SLC25A13: variants seen among roughly 807,000 people sequenced by gnomAD.
SLC25A13 encodes the protein electrogenic aspartate/glutamate antiporter SLC25A13, mitochondrial.
SLC25A13 carries 70 observed loss-of-function variants against 85.5 expected under a neutral mutation model. That is an observed-to-expected ratio of 0.82 (90% CI 0.68 to 1.00). The LOEUF (loss-of-function observed/expected upper bound fraction) is 1.00, where lower values mean the gene tolerates loss of function less well. SLC25A13 is among the 50% of genes least tolerant of loss of function. SLC25A13 has a pLI of 0.00. For synonymous variants in SLC25A13, 259 were observed against 288.7 expected (o/e 0.90, Z 1.04); for missense variants, 765 against 819.8 (o/e 0.93, Z 0.82).
At chr7:96,272,034 G>A (rs1052627621) in intron 3 of SLC25A13, among the ~76,000 whole-genome samples, 14 of 151,902 alleles carry the variant, frequency 9.2e-5, no homozygotes, top group African/African-American at 1.7e-4. Flanking sequence ...TACAGGTTAC[G>A]GCCACCATGC....
chr7:96,237,827 T>C (rs1417540915), intron 3 of SLC25A13, among the ~76,000 whole-genome samples: 2 of 151,980 alleles, frequency 1.3e-5, no homozygotes, highest in Non-Finnish European at 2.9e-5. Flanking sequence ...GGGATGATGA[T>C]ACCACCACCA....
intron 5 of SLC25A13, among the ~76,000 whole-genome samples, chr7:96,207,362 T>G (rs1795500608): frequency 6.6e-6 from 1 of 152,118 alleles, no homozygotes; most frequent in Non-Finnish European, 1.5e-5. Context: ...CTTTACCAAG[T>G]GAGCACCACA....
At chr7:96,141,723 A>G (rs1433123953) in intron 14 of SLC25A13, among the ~76,000 whole-genome samples, 1 of 152,234 alleles carries the variant, frequency 6.6e-6, no homozygotes, top group African/African-American at 2.4e-5. Context: ...TCCGGCTGTG[A>G]GCACGTAAAA....
At chr7:96,132,414 A>G (rs552699589) in intron 14 of SLC25A13, among the ~76,000 whole-genome samples, 1 of 152,312 alleles carries the variant, frequency 6.6e-6, no homozygotes, top group Non-Finnish European at 1.5e-5. Context: ...GATCCTTCTA[A>G]TTTTATTATA....
At chr7:96,252,824 T>C (rs1797484944) in intron 3 of SLC25A13, among the ~76,000 whole-genome samples, 1 of 152,244 alleles carries the variant, frequency 6.6e-6, no homozygotes, top group Non-Finnish European at 1.5e-5. Context: ...CTGGGCACGG[T>C]GGGTCACACC....
At chr7:96,321,313 G>T (rs967790631) in intron 1 of SLC25A13, among the ~76,000 whole-genome samples, 2 of 152,194 alleles carry the variant, frequency 1.3e-5, no homozygotes, top group Non-Finnish European at 2.9e-5. Context: ...CTCCGAGGCG[G>T]GTATCTAAGT....
At chr7:96,251,669 T>C (rs1170966021) in intron 3 of SLC25A13, among the ~76,000 whole-genome samples, 2 of 152,232 alleles carry the variant, frequency 1.3e-5, no homozygotes, top group Non-Finnish European at 2.9e-5. Context: ...CATCTGAATT[T>C]GCATTGATAT....
chr7:96,197,779 C>T (rs764328433), intron 5 of SLC25A13, among the ~76,000 whole-genome samples: 14 of 151,938 alleles, frequency 9.2e-5, no homozygotes, highest in Admixed American at 2.0e-4. Flanking sequence ...CAGAAGTAAA[C>T]GAGTCATCTG....
At chr7:96,193,236 C>T (rs1421768233) in intron 5 of SLC25A13, 53 bp from the exon 6 acceptor site, 2 of 1,586,364 alleles carry the variant, frequency 1.3e-6, no homozygotes, top group Admixed American at 1.7e-5. Context: ...TTAATAATTA[C>T]TACAAATGAC....
chr7:96,139,521 AC>A (rs1488052727), intron 14 of SLC25A13, among the ~76,000 whole-genome samples: 1 of 152,190 alleles, frequency 6.6e-6, no homozygotes, highest in Non-Finnish European at 1.5e-5. Context: ...TATACTTGAT[AC>A]CCTCTCCTTA....
At chr7:96,317,934 C>T (rs1307819187) in intron 1 of SLC25A13, among the ~76,000 whole-genome samples, 3 of 151,486 alleles carry the variant, frequency 2.0e-5, no homozygotes, top group African/African-American at 4.8e-5. Flanking sequence ...CCCAAGTAGC[C>T]GGGACCACAG....
At chr7:96,224,737 C>T (rs139087330) in intron 4 of SLC25A13, among the ~76,000 whole-genome samples, 1 of 152,298 alleles carries the variant, frequency 6.6e-6, no homozygotes, top group Non-Finnish European at 1.5e-5. Flanking sequence ...ATGCATTTGC[C>T]TATTGTTCTT....
rs1791491213 is a variant in SLC25A13 at position 96,121,275 on chromosome 7, T to G, written c.1944A>C (p.Ala648=). The part of the protein sequence containing the change: ...GGYKLAVATF[A]GIENKFGLYL... ...AAAGTCCAAATTTGTTTTCAATCCC[T>G]GCAAATGTAGCAACTGCCAGTTTGT... is the stretch of plus-strand genomic sequence containing the variant. The change falls in exon 18 of 18, where the codon GCA becomes GCC. Residue 648 remains alanine (A), a synonymous_variant. Transcript: ENST00000265631. The G allele has an allele frequency of 6.2e-7, 1 of 1,614,176 alleles. No individual in the cohort carries two copies. Among genetic ancestry groups the G allele is most frequent in the Non-Finnish European group, 8.5e-7 (1 of 1,180,038 alleles).
At chr7:96,256,302 G>A (rs1236786430) in intron 3 of SLC25A13, among the ~76,000 whole-genome samples, 8 of 152,064 alleles carry the variant, frequency 5.3e-5, no homozygotes, top group South Asian at 2.1e-4. Flanking sequence ...AAGACCCGTC[G>A]GTGTGCTATA....
chr7:96,191,165 A>T lies in SLC25A13; in HGVS notation c.698T>A (p.Ile233Asn). The change falls in exon 7 of 18, where the codon ATT (isoleucine) becomes AAT (asparagine). Residue 233 changes from isoleucine to asparagine, a missense_variant. Ile to Asn is a moderately radical substitution (Grantham distance 149). Coordinates refer to ENST00000265631, the MANE Select transcript of SLC25A13 (RefSeq NM_014251.3). ...AGCCAGAGTGCTATAGATCTTTCTAATGAGTTCCATGTTGTTAAGGAGCGA... is the reference window on the plus strand; with the variant it reads ...AGCCAGAGTGCTATAGATCTTTCTATTGAGTTCCATGTTGTTAAGGAGCGA... ...FNSLLNNMEL[I>N]RKIYSTLAGT... 6.2e-7 allele frequency: 1 copy of T among 1,614,112 alleles called. No individual in the cohort carries two copies. The highest frequency in any genetic ancestry group is 1.1e-5 in the South Asian group (1 of 91,074).
chr7:96,138,460 A>G (rs1792383495), intron 14 of SLC25A13, among the ~76,000 whole-genome samples: 1 of 150,996 alleles, frequency 6.6e-6, no homozygotes, highest in African/African-American at 2.4e-5. Context: ...CAGTGGTGCA[A>G]TCATGGCTCA....
intron 9 of SLC25A13, among the ~76,000 whole-genome samples, chr7:96,188,008 A>C (rs961410444): frequency 6.6e-6 from 1 of 152,296 alleles, no homozygotes; most frequent in Middle Eastern, 3.4e-3. Flanking sequence ...ATAAACTCTC[A>C]AAAGCTGCAA....
At chr7:96,262,228 T>G (rs1772799538) in intron 3 of SLC25A13, among the ~76,000 whole-genome samples, 1 of 152,156 alleles carries the variant, frequency 6.6e-6, no homozygotes, top group Non-Finnish European at 1.5e-5. Context: ...CCTTTAAAAT[T>G]TTAGATTTAT....
At chr7:96,239,039 A>T (rs1443468155) in intron 3 of SLC25A13, among the ~76,000 whole-genome samples, 56 of 1,554 alleles carry the variant, frequency 0.036, 1 homozygote, top group East Asian at 0.093. Context: ...TATATATTTT[A>T]TATATATATA....
Sources: allele counts gnomAD v4.1 joint callset (sites outside exome capture counted in the v4.1 genomes callset), GRCh38; gene constraint gnomAD v4.1.1; transcripts MANE v1.5; gene names NCBI Gene and HGNC (gene_info 2026-07-23, HGNC 2026-07-21).